The following ZNF277 variants were observed in gnomAD, a reference collection of about 807,000 sequenced individuals.
The protein encoded by ZNF277 is zinc finger protein 277.
ZNF277 carries 55 observed loss-of-function variants against 60.7 expected under a neutral mutation model. The ratio of observed to expected loss-of-function variants is 0.91; its 90% CI spans 0.73 to 1.13. The LOEUF is 1.13. Among genes scored for constraint, ZNF277 ranks in the 50% most tolerant of loss-of-function variants. ZNF277 has a pLI of 0.00. For missense variants in ZNF277, 510 were observed against 523.0 expected (o/e 0.98, Z 0.24); for synonymous variants, 178 against 179.3 (o/e 0.99, Z 0.06).
intron 1 of ZNF277, among the ~76,000 whole-genome samples, chr7:112,217,476 C>A (rs750267168): frequency 6.6e-6 from 1 of 152,218 alleles, no homozygotes; most frequent in African/African-American, 2.4e-5. Flanking sequence ...CAGACTGAAA[C>A]TGCCTTTGCA....
chr7:112,213,631 T>C (rs1309088444), intron 1 of ZNF277, among the ~76,000 whole-genome samples: 1 of 152,180 alleles, frequency 6.6e-6, no homozygotes, highest in Non-Finnish European at 1.5e-5. Flanking sequence ...ATGAGGAAAC[T>C]GATGAAAAGA....
chr7:112,297,733 C>A (rs556418382), intron 4 of ZNF277, among the ~76,000 whole-genome samples: 1 of 152,246 alleles, frequency 6.6e-6, no homozygotes, highest in East Asian at 1.9e-4. Flanking sequence ...ATGTTATTTG[C>A]GTGCACTTAT....
intron 1 of ZNF277, among the ~76,000 whole-genome samples, chr7:112,276,768 G>T (rs1276365973): frequency 6.6e-6 from 1 of 152,072 alleles, no homozygotes; most frequent in Non-Finnish European, 1.5e-5. Flanking sequence ...GAGATTTCAG[G>T]CACTGTGATA....
intron 4 of ZNF277, among the ~76,000 whole-genome samples, chr7:112,299,953 A>G (rs777350816): frequency 1.3e-5 from 2 of 151,896 alleles, no homozygotes; most frequent in South Asian, 2.1e-4. Context: ...GTACCTTTGT[A>G]TGGTTTGCTC....
chr7:112,283,225 T>G (rs1791986617), intron 1 of ZNF277, among the ~76,000 whole-genome samples: 1 of 152,152 alleles, frequency 6.6e-6, no homozygotes, highest in Admixed American at 6.5e-5. Flanking sequence ...TCTAAAAATG[T>G]TATATTAAAA....
At chr7:112,257,087 G>T (rs1791331212) in intron 1 of ZNF277, among the ~76,000 whole-genome samples, 1 of 152,136 alleles carries the variant, frequency 6.6e-6, no homozygotes. Context: ...TTTTCAATGG[G>T]ATTACACACT....
intron 1 of ZNF277, among the ~76,000 whole-genome samples, chr7:112,232,083 A>T (rs1426024838): frequency 8.0e-6 from 1 of 125,196 alleles, no homozygotes; most frequent in African/African-American, 2.9e-5. Context: ...ATATATATAT[A>T]TTCCCTTAAC....
intron 1 of ZNF277, among the ~76,000 whole-genome samples, chr7:112,218,441 G>A (rs1351461742): frequency 3.3e-5 from 5 of 152,130 alleles, no homozygotes; most frequent in Non-Finnish European, 7.4e-5. Context: ...GCTAAAATAA[G>A]CTAATTAACC....
At chr7:112,229,292 A>G (rs1253394062) in intron 1 of ZNF277, among the ~76,000 whole-genome samples, 1 of 152,218 alleles carries the variant, frequency 6.6e-6, no homozygotes, top group Non-Finnish European at 1.5e-5. Context: ...GGAAAGACTA[A>G]CAGGCAGGTA....
At chr7:112,224,860 C>T (rs1278606146) in intron 1 of ZNF277, among the ~76,000 whole-genome samples, 1 of 152,030 alleles carries the variant, frequency 6.6e-6, no homozygotes, top group African/African-American at 2.4e-5. Flanking sequence ...AAATTTAGGG[C>T]TGGGTGTGGT....
At position 112,266,903 on chromosome 7, in the gene ZNF277, G is replaced by A. The variant is rs186434035; in HGVS notation, c.92-19970G>A. Among the ~76,000 whole-genome samples, 19 of 152,194 alleles carry A rather than the reference G, an allele frequency of 1.2e-4. No homozygotes were observed. The East Asian group carries it at 3.7e-3, about 29-fold the overall frequency. On this transcript the variant is annotated intron_variant, in intron 1 of 11. Coordinates refer to ENST00000361822, the MANE Select transcript of ZNF277 (RefSeq NM_021994.3). ...TTCCTGAAGTTCATAAATAAAACCTGAATGCATCAAAAAATACATACTTAT... is the reference window on the plus strand; with the variant it reads ...TTCCTGAAGTTCATAAATAAAACCTAAATGCATCAAAAAATACATACTTAT...
chr7:112,241,941 A>G (rs1790963569), intron 1 of ZNF277, among the ~76,000 whole-genome samples: 1 of 152,110 alleles, frequency 6.6e-6, no homozygotes. Context: ...GTTTAATAGC[A>G]CAGCAGGTTG....
intron 1 of ZNF277, among the ~76,000 whole-genome samples, chr7:112,244,310 T>C (rs1791028860): frequency 6.6e-6 from 1 of 152,184 alleles, no homozygotes; most frequent in African/African-American, 2.4e-5. Flanking sequence ...GTAATAGTCT[T>C]TCTGTGCAAA....
chr7:112,310,464 A>AGAGAGAGAGT (rs1792697922), intron 4 of ZNF277, among the ~76,000 whole-genome samples: 1 of 144,494 alleles, frequency 6.9e-6, no homozygotes, highest in African/African-American at 2.8e-5. Context: ...TGAGAGAGAG[A>AGAGAGAGAGT]GAGAGAGAGA....
chr7:112,232,725 G>A (rs1053895472), intron 1 of ZNF277, among the ~76,000 whole-genome samples: 1 of 152,186 alleles, frequency 6.6e-6, no homozygotes, highest in African/African-American at 2.4e-5. Flanking sequence ...AAAATATGGT[G>A]GTGCACGTCC....
At chr7:112,254,485 G>A (rs186973532) in intron 1 of ZNF277, among the ~76,000 whole-genome samples, 6 of 152,298 alleles carry the variant, frequency 3.9e-5, no homozygotes, top group Admixed American at 1.3e-4. Flanking sequence ...TGTGTCTGGG[G>A]TTGTGTTGAC....
intron 2 of ZNF277, among the ~76,000 whole-genome samples, chr7:112,294,368 A>G (rs1022842173): frequency 6.6e-5 from 10 of 152,172 alleles, no homozygotes; most frequent in Admixed American, 3.3e-4. Context: ...GATGGATCCA[A>G]TATGCACTTG....
At chr7:112,275,855 T>TA (rs1791779861) in intron 1 of ZNF277, among the ~76,000 whole-genome samples, 1 of 152,230 alleles carries the variant, frequency 6.6e-6, no homozygotes, top group Admixed American at 6.5e-5. Context: ...CCCACTTTTT[T>TA]ACCAAAGTTG....
At chr7:112,276,701 G>T (rs1422246510) in intron 1 of ZNF277, among the ~76,000 whole-genome samples, 2 of 152,146 alleles carry the variant, frequency 1.3e-5, no homozygotes, top group Admixed American at 6.5e-5. Context: ...CTGTGTTTAT[G>T]TAAAGGTAAC....
Sources: gnomAD v4.1 joint callset for allele counts (sites outside exome capture counted in the v4.1 genomes callset) on GRCh38, gnomAD v4.1.1 for gene constraint, MANE v1.5 for transcripts, NCBI Gene and HGNC (gene_info 2026-07-23, HGNC 2026-07-21) for gene names.